NKAIN3: variants seen among roughly 807,000 people sequenced by gnomAD.
NKAIN3 encodes sodium/potassium-transporting ATPase subunit beta-1-interacting protein 3.
Under a neutral mutation model 30.2 loss-of-function variants are expected in NKAIN3, and 25 were observed. That is an observed-to-expected ratio of 0.83 (90% CI 0.60 to 1.16). The LOEUF (loss-of-function observed/expected upper bound fraction) is 1.16, where lower values mean the gene tolerates loss of function less well. NKAIN3 is among the 50% of genes most tolerant of loss of function. NKAIN3 has a pLI of 0.00. For missense variants in NKAIN3, 225 were observed against 254.1 expected (o/e 0.89, Z 0.78); for synonymous variants, 91 against 89.6 (o/e 1.02, Z -0.09).
chr8:62,762,703 A>G (rs936706916), intron 4 of NKAIN3, among the ~76,000 whole-genome samples: 4 of 152,156 alleles, frequency 2.6e-5, no homozygotes, highest in African/African-American at 9.7e-5. Flanking sequence ...CAGTTCTTGC[A>G]GGAAAAGAGG....
intron 4 of NKAIN3, among the ~76,000 whole-genome samples, chr8:62,873,786 C>T (rs879269853): frequency 1.6e-4 from 24 of 151,612 alleles, no homozygotes; most frequent in African/African-American, 2.4e-4. Context: ...TTGAAATGAA[C>T]GAGAACAAAG....
At chr8:62,891,936 C>A (rs1821308692) in intron 4 of NKAIN3, among the ~76,000 whole-genome samples, 1 of 152,006 alleles carries the variant, frequency 6.6e-6, no homozygotes, top group African/African-American at 2.4e-5. Flanking sequence ...CAGGAAAGAC[C>A]CTGCTGAAAA....
At chr8:62,507,186 A>G (rs1385985163) in intron 1 of NKAIN3, among the ~76,000 whole-genome samples, 1 of 152,174 alleles carries the variant, frequency 6.6e-6, no homozygotes, top group Non-Finnish European at 1.5e-5. Context: ...GTTTCACTAT[A>G]CAAAATTGAA....
rs943466547 is a variant in NKAIN3 at position 62,399,393 on chromosome 8, C to T, written c.54+150266C>T. Among the ~76,000 whole-genome samples the T allele has an allele frequency of 7.2e-4, 110 of 152,006 alleles. 5 individuals carry two copies. Among genetic ancestry groups the T allele is most frequent in the Non-Finnish European group, 2.9e-5 (2 of 68,018 alleles). Reference sequence around the variant, plus strand: ...TGGTGGTGGGTGCCTGTAATCCCAGCTACTTAGGAGGCTGAGGCAAGAGAG... The same window carrying T: ...TGGTGGTGGGTGCCTGTAATCCCAGTTACTTAGGAGGCTGAGGCAAGAGAG... On this transcript the variant is annotated intron_variant, in intron 1 of 6. Coordinates refer to ENST00000623646, the MANE Select transcript of NKAIN3 (RefSeq NM_001304533.3).
At chr8:62,338,143 T>A (rs1815628017) in intron 1 of NKAIN3, among the ~76,000 whole-genome samples, 4 of 152,064 alleles carry the variant, frequency 2.6e-5, no homozygotes, top group African/African-American at 9.7e-5. Context: ...TAAAACCTTT[T>A]AAACTGTGAT....
intron 5 of NKAIN3, among the ~76,000 whole-genome samples, chr8:62,928,322 TTCTC>T (rs1177497072): frequency 3.3e-5 from 5 of 152,220 alleles, no homozygotes; most frequent in East Asian, 1.9e-4. Flanking sequence ...ATCTTTCTCT[TTCTC>T]TCTCTCTCCC....
intron 1 of NKAIN3, among the ~76,000 whole-genome samples, chr8:62,358,496 T>C (rs1443595884): frequency 6.6e-6 from 1 of 152,172 alleles, no homozygotes; most frequent in Non-Finnish European, 1.5e-5. Context: ...CCCATTTGCA[T>C]TTTTTATGCA....
At chr8:62,255,022 TA>T (rs1812222152) in intron 1 of NKAIN3, among the ~76,000 whole-genome samples, 1 of 152,214 alleles carries the variant, frequency 6.6e-6, no homozygotes, top group Non-Finnish European at 1.5e-5. Flanking sequence ...TTTCGTCCTC[TA>T]AAAAGATACA....
chr8:62,863,496 T>A, intron 4 of NKAIN3: 1 of 1,531,796 alleles, frequency 6.5e-7, no homozygotes, highest in Non-Finnish European at 9.0e-7. Flanking sequence ...GACAACGTAC[T>A]GGGTGGGAGG....
intron 5 of NKAIN3, among the ~76,000 whole-genome samples, chr8:62,926,776 C>T (rs1013688184): frequency 6.6e-6 from 1 of 152,180 alleles, no homozygotes; most frequent in Non-Finnish European, 1.5e-5. Flanking sequence ...AGTTCCCAGG[C>T]TCTCTATCTG....
intron 1 of NKAIN3, among the ~76,000 whole-genome samples, chr8:62,396,790 C>T (rs1817780362): frequency 6.6e-6 from 1 of 152,142 alleles, no homozygotes; most frequent in African/African-American, 2.4e-5. Context: ...TGTCCCCTAC[C>T]TATCACTTCA....
rs75127462 is a variant in NKAIN3, at chr8:62,773,381, A to G, written c.471+26252A>G. On this transcript the variant is annotated intron_variant, in intron 4 of 6. Coordinates refer to ENST00000623646, the MANE Select transcript of NKAIN3 (RefSeq NM_001304533.3). ...GAGTTCACTGTAGATGTATAGATTT[A>G]ATCCTGGGTTCTCTATTCCGTTCCA... Among the ~76,000 whole-genome samples the G allele has an allele frequency of 2.0e-3, 302 of 152,288 alleles. 6 individuals are homozygous for G. In the East Asian group the frequency reaches 0.054, roughly 27 times the overall value.
chr8:62,726,211 G>T (rs1815252824), intron 3 of NKAIN3, among the ~76,000 whole-genome samples: 1 of 151,936 alleles, frequency 6.6e-6, no homozygotes, highest in Admixed American at 6.6e-5. Context: ...TACTGAATTT[G>T]TTTATCAGTT....
chr8:62,822,540 A>G (rs1320847869), intron 4 of NKAIN3, among the ~76,000 whole-genome samples: 9 of 152,206 alleles, frequency 5.9e-5, no homozygotes, highest in Admixed American at 4.6e-4. Flanking sequence ...AGTAAGGACA[A>G]TACAAGGAAC....
chr8:62,927,402 TA>T (rs926056267), intron 5 of NKAIN3, among the ~76,000 whole-genome samples: 6 of 152,346 alleles, frequency 3.9e-5, no homozygotes, highest in African/African-American at 1.4e-4. Flanking sequence ...AAATTATTTT[TA>T]ATATCTAGTG....
chr8:62,797,693 A>G (rs1817904258), intron 4 of NKAIN3, among the ~76,000 whole-genome samples: 2 of 152,204 alleles, frequency 1.3e-5, no homozygotes, highest in Admixed American at 1.3e-4. Flanking sequence ...CTATAATGTT[A>G]TGGGCTAAAT....
At chr8:62,287,582 T>G (rs1232715439) in intron 1 of NKAIN3, among the ~76,000 whole-genome samples, 4 of 152,158 alleles carry the variant, frequency 2.6e-5, no homozygotes, top group Non-Finnish European at 4.4e-5. Flanking sequence ...TCTCTTTATT[T>G]AACAACAGAA....
intron 4 of NKAIN3, among the ~76,000 whole-genome samples, chr8:62,884,966 A>AT (rs1488557118): frequency 1.3e-5 from 2 of 149,152 alleles, no homozygotes; most frequent in Non-Finnish European, 3.0e-5. Context: ...TTCTCTACTG[A>AT]TTTTTTCCAA....
chr8:62,660,737 G>C (rs1408692318), intron 3 of NKAIN3, among the ~76,000 whole-genome samples: 1 of 152,224 alleles, frequency 6.6e-6, no homozygotes, highest in Non-Finnish European at 1.5e-5. Context: ...TTACAGTACA[G>C]TAGTAACCAG....
Sources: gnomAD v4.1 joint callset for allele counts (sites outside exome capture counted in the v4.1 genomes callset) on GRCh38, gnomAD v4.1.1 for gene constraint, MANE v1.5 for transcripts, NCBI Gene and HGNC (gene_info 2026-07-23, HGNC 2026-07-21) for gene names.